Variants in PDE4D observed in about 807,000 individuals in gnomAD.
PDE4D encodes the protein phosphodiesterase 4D.
PDE4D carries 24 observed loss-of-function variants against 87.4 expected under a neutral mutation model. That is an observed-to-expected ratio of 0.27 (90% CI 0.20 to 0.39). PDE4D has a LOEUF of 0.39. PDE4D is among the 10% of genes least tolerant of loss of function. The pLI is 1.00. For synonymous variants in PDE4D, 384 were observed against 383.2 expected (o/e 1.00, Z -0.02); for missense variants, 714 against 1,041.0 (o/e 0.69, Z 4.32).
rs138851496 is a variant in PDE4D, at chr5:59,215,175, A to G, written c.647+602T>C. ...TCTGCAAACCTGCTTGTCAGTTTTC[A>G]TTGTTTTTCAAGCTGTACTATATCT... On this transcript the variant is annotated intron_variant, in intron 2 of 14. Coordinates refer to ENST00000340635, the MANE Select transcript of PDE4D (RefSeq NM_001104631.2). Among the ~76,000 whole-genome samples, 89 of 152,298 alleles carry G rather than the reference A, an allele frequency of 5.8e-4. 1 individual carries two copies. The highest frequency in any genetic ancestry group is 2.0e-3 in the African/African-American group (82 of 41,578).
chr5:60,375,069 T>A (rs977483874), intron 1 of PDE4D, among the ~76,000 whole-genome samples: 1 of 152,232 alleles, frequency 6.6e-6, no homozygotes, highest in Non-Finnish European at 1.5e-5. Flanking sequence ...CCCTCCTTCT[T>A]GAAACCTTTC....
chr5:59,093,915 T>C (rs191690023), intron 5 of PDE4D, among the ~76,000 whole-genome samples: 5 of 151,994 alleles, frequency 3.3e-5, no homozygotes, highest in African/African-American at 1.2e-4. Flanking sequence ...TAAGAACATA[T>C]ACCATTAAAA....
At chr5:59,139,503 A>C (rs1777587990) in intron 5 of PDE4D, among the ~76,000 whole-genome samples, 1 of 152,160 alleles carries the variant, frequency 6.6e-6, no homozygotes, top group East Asian at 1.9e-4. Flanking sequence ...ATTGGATTTT[A>C]TTTTGAGACA....
chr5:60,327,718 C>A (rs1756929131), intron 1 of PDE4D, among the ~76,000 whole-genome samples: 1 of 152,164 alleles, frequency 6.6e-6, no homozygotes, highest in Admixed American at 6.5e-5. Flanking sequence ...AAGTTTCCAT[C>A]AACAGAAGAA....
At chr5:60,322,189 T>C (rs141957084) in intron 1 of PDE4D, among the ~76,000 whole-genome samples, 4 of 152,106 alleles carry the variant, frequency 2.6e-5, no homozygotes, top group Admixed American at 2.0e-4. Context: ...ATAAAGAAAA[T>C]GTGCTATATA....
At chr5:59,716,630 A>G (rs1409871381) in intron 1 of PDE4D, among the ~76,000 whole-genome samples, 1 of 152,220 alleles carries the variant, frequency 6.6e-6, no homozygotes, top group Non-Finnish European at 1.5e-5. Flanking sequence ...ACAAGCAAAC[A>G]TGACAAGAAT....
chr5:59,022,685 G>A (rs1262622218), intron 6 of PDE4D, among the ~76,000 whole-genome samples: 2 of 151,978 alleles, frequency 1.3e-5, no homozygotes, highest in Non-Finnish European at 2.9e-5. Flanking sequence ...CATGTTAGAG[G>A]GCACATGCTC....
chr5:60,493,125 T>C (rs1281394881), intron 1 of PDE4D, among the ~76,000 whole-genome samples: 4 of 152,188 alleles, frequency 2.6e-5, no homozygotes, highest in Non-Finnish European at 5.9e-5. Flanking sequence ...TGCCCTGTAT[T>C]TTGCTGTGTC....
intron 5 of PDE4D, among the ~76,000 whole-genome samples, chr5:59,140,706 T>C (rs1439100460): frequency 6.6e-6 from 1 of 152,190 alleles, no homozygotes; most frequent in Non-Finnish European, 1.5e-5. Flanking sequence ...GACATCTGTA[T>C]TCAAGTAGAT....
chr5:60,505,618 C>T (rs1342466375), intron 1 of PDE4D, among the ~76,000 whole-genome samples: 8 of 152,268 alleles, frequency 5.3e-5, no homozygotes, highest in South Asian at 2.1e-4. Flanking sequence ...TCAGTGCTGA[C>T]GGATATACCC....
chr5:60,003,955 C>A (rs901519822), intron 2 of PDE4D, among the ~76,000 whole-genome samples: 2 of 151,926 alleles, frequency 1.3e-5, no homozygotes, highest in Non-Finnish European at 2.9e-5. Context: ...ATAAATGTTC[C>A]TGGGAAAACT....
At chr5:60,261,483 T>C (rs1040361036) in intron 1 of PDE4D, among the ~76,000 whole-genome samples, 9 of 152,254 alleles carry the variant, frequency 5.9e-5, no homozygotes, top group East Asian at 1.9e-4. Context: ...ACCTTTCTAT[T>C]CCATTTAACT....
At chr5:59,551,772 A>G (rs886857174) in intron 1 of PDE4D, among the ~76,000 whole-genome samples, 3 of 152,164 alleles carry the variant, frequency 2.0e-5, no homozygotes, top group Non-Finnish European at 4.4e-5. Context: ...GGAATTGCCT[A>G]TAGTGGAATG....
chr5:59,431,621 T>C (rs1209970467), intron 1 of PDE4D, among the ~76,000 whole-genome samples: 2 of 152,124 alleles, frequency 1.3e-5, no homozygotes, highest in Non-Finnish European at 2.9e-5. Flanking sequence ...GTAGATAATT[T>C]TCCTTTTTTT....
intron 1 of PDE4D, among the ~76,000 whole-genome samples, chr5:59,689,110 G>C (rs1201702815): frequency 6.6e-6 from 1 of 152,190 alleles, no homozygotes; most frequent in Non-Finnish European, 1.5e-5. Flanking sequence ...TCCAGGACCA[G>C]AGGGATTCAC....
At chr5:59,594,896 T>TC (rs1826450769) in intron 1 of PDE4D, among the ~76,000 whole-genome samples, 1 of 152,182 alleles carries the variant, frequency 6.6e-6, no homozygotes, top group South Asian at 2.1e-4. Flanking sequence ...TAATGATGTA[T>TC]CAATGTAGGT....
chr5:59,865,418 T>G (rs964363400), intron 1 of PDE4D, among the ~76,000 whole-genome samples: 5 of 152,166 alleles, frequency 3.3e-5, no homozygotes, highest in Non-Finnish European at 7.3e-5. Context: ...TAAAACTGAT[T>G]AACTGAAAAA....
intron 5 of PDE4D, among the ~76,000 whole-genome samples, chr5:59,080,459 T>C (rs1401781738): frequency 2.6e-5 from 4 of 152,148 alleles, no homozygotes; most frequent in Non-Finnish European, 5.9e-5. Flanking sequence ...CCTTTAACAG[T>C]GTGGGACTTG....
chr5:59,067,180 GA>G (rs1254884797), intron 5 of PDE4D, among the ~76,000 whole-genome samples: 2 of 81,348 alleles, frequency 2.5e-5, no homozygotes, highest in African/African-American at 8.6e-5. Flanking sequence ...ACATTTGGCT[GA>G]TTTTTTTGTA....
Sources: gnomAD v4.1 joint callset for allele counts (sites outside exome capture counted in the v4.1 genomes callset) on GRCh38, gnomAD v4.1.1 for gene constraint, MANE v1.5 for transcripts, NCBI Gene and HGNC (gene_info 2026-07-23, HGNC 2026-07-21) for gene names.